The following CFAP53 variants were observed in gnomAD, a reference collection of about 807,000 sequenced individuals.
The protein encoded by CFAP53 is cilia- and flagella-associated protein 53.
CFAP53 carries 62 observed loss-of-function variants against 59.7 expected under a neutral mutation model. The observed-to-expected ratio is 1.04, with a 90% confidence interval of 0.85 to 1.28. CFAP53 has a LOEUF of 1.28. Ranked by LOEUF, CFAP53 falls within the 50% of genes most tolerant of loss-of-function variation. CFAP53 has a pLI of 0.00. For missense variants in CFAP53, 629 were observed against 615.6 expected, an observed-to-expected ratio of 1.02 and a Z score of -0.23; for synonymous variants, 218 against 205.7, an observed-to-expected ratio of 1.06 and a Z score of -0.51.
chr18:50,251,468 T>G lies in CFAP53; in HGVS notation c.777+13A>C. 1 of 1,607,284 alleles carries G rather than the reference T, an allele frequency of 6.2e-7. No individual in the cohort carries two copies. The highest frequency in any genetic ancestry group is 8.5e-7 in the Non-Finnish European group (1 of 1,177,738). On this transcript the variant is annotated intron_variant, in intron 4 of 7. Transcript: ENST00000398545. ...GCGTTGATCACCCTCTAACAAGCAT[T>G]TTAAAGGCCCACCACAAGGCGTGCC...
At position 50,266,365 on chromosome 18, in the gene CFAP53, T is replaced by C. The variant is rs1263706706; in HGVS notation, c.40A>G (p.Lys14Glu). Reference protein sequence around the residue: ...QRFGTVQREVKGPTPKVVIVR... With the variant: ...QRFGTVQREVEGPTPKVVIVR... ...ATCACCACTTTGGGGGTGGGGCCCTTAACCTCCCGCTGTACGGTGCCAAAC... is the reference window on the plus strand; with the variant it reads ...ATCACCACTTTGGGGGTGGGGCCCTCAACCTCCCGCTGTACGGTGCCAAAC... Residue 14 changes from lysine (K) to glutamate (E), a missense_variant, in exon 1 of 8, where the codon AAG becomes GAG. By Grantham distance (56) the Lys-to-Glu change is moderately conservative. Transcript: ENST00000398545. The C allele has an allele frequency of 1.9e-6, 3 of 1,614,126 alleles. No individual in the cohort carries two copies. The highest frequency in any genetic ancestry group is 2.5e-6 in the Non-Finnish European group (3 of 1,180,048).
chr18:50,241,677 T>G (rs4939624), intron 6 of CFAP53, among the ~76,000 whole-genome samples: 97,039 of 151,808 alleles, frequency 0.64, 31,877 homozygotes, highest in Admixed American at 0.73. Flanking sequence ...ACCAGCAAGT[T>G]TTTTTTTAGG....
intron 5 of CFAP53, among the ~76,000 whole-genome samples, chr18:50,245,973 G>A (rs541020593): frequency 1.6e-4 from 24 of 152,216 alleles, no homozygotes; most frequent in Admixed American, 1.2e-3. Flanking sequence ...TCACTGCAAC[G>A]TCCGCCTCCC....
At chr18:50,265,353 G>A (rs550186146) in intron 1 of CFAP53, among the ~76,000 whole-genome samples, 4 of 152,194 alleles carry the variant, frequency 2.6e-5, no homozygotes, top group Non-Finnish European at 4.4e-5. Flanking sequence ...TCGAGGTAAT[G>A]AAATATAAAT....
chr18:50,261,165 CT>C lies in CFAP53; in HGVS notation c.371del (p.Glu124GlyfsTer7). 1 of 1,592,714 alleles carries C rather than the reference CT, an allele frequency of 6.3e-7. No homozygotes were observed. Among genetic ancestry groups the C allele is most frequent in the Non-Finnish European group, 8.5e-7 (1 of 1,174,072 alleles). ...TCTCTCTCATCCTATCTTTTTTCTC[CT>C]CAATGGTTTCTTTCTTCAATTGCAT... ...TEMQLKKETIEEKKDRMREKT... is the reference protein window; with the variant it reads ...TEMQLKKETIXEKKDRMREKT... On this transcript the variant is annotated frameshift_variant, in exon 3 of 8. Coordinates refer to ENST00000398545, the MANE Select transcript of CFAP53 (RefSeq NM_145020.5). LOFTEE classifies it high-confidence loss of function.
chr18:50,253,669 CTTGG>C (rs2033821814), intron 3 of CFAP53, among the ~76,000 whole-genome samples: 1 of 151,944 alleles, frequency 6.6e-6, no homozygotes, highest in Non-Finnish European at 1.5e-5. Flanking sequence ...TTTTATTGTC[CTTGG>C]TTTACAGATG....
chr18:50,234,157 C>T (rs1229190974), intron 7 of CFAP53, among the ~76,000 whole-genome samples: 1 of 152,154 alleles, frequency 6.6e-6, no homozygotes, highest in Non-Finnish European at 1.5e-5. Flanking sequence ...TATATGACAA[C>T]AATGACAAGT....
At chr18:50,250,530 T>A (rs111650236) in intron 5 of CFAP53, among the ~76,000 whole-genome samples, 47 of 152,294 alleles carry the variant, frequency 3.1e-4, no homozygotes, top group African/African-American at 1.1e-3. Context: ...TGGGGGAGTG[T>A]GCTGAAACAC....
chr18:50,246,232 G>A (rs1449279579), intron 5 of CFAP53, among the ~76,000 whole-genome samples: 1 of 152,200 alleles, frequency 6.6e-6, no homozygotes, highest in Non-Finnish European at 1.5e-5. Flanking sequence ...CAAAGCTACG[G>A]TAATCAAGAC....
At chr18:50,242,663 C>A (rs1300538261) in intron 6 of CFAP53, among the ~76,000 whole-genome samples, 1 of 152,188 alleles carries the variant, frequency 6.6e-6, no homozygotes, top group East Asian at 1.9e-4. Context: ...ATACAGTATT[C>A]AAATGATGTA....
intron 1 of CFAP53, among the ~76,000 whole-genome samples, chr18:50,262,818 A>G (rs1268581183): frequency 6.6e-6 from 1 of 152,186 alleles, no homozygotes; most frequent in Non-Finnish European, 1.5e-5. Flanking sequence ...ACTAAGAAGG[A>G]AGAAATGAAG....
At chr18:50,248,165 C>T (rs1419884141) in intron 5 of CFAP53, among the ~76,000 whole-genome samples, 1 of 142,444 alleles carries the variant, frequency 7.0e-6, no homozygotes, top group Non-Finnish European at 1.5e-5. Context: ...GGGCAAAAGA[C>T]ATGAAGAGAC....
intron 3 of CFAP53, among the ~76,000 whole-genome samples, chr18:50,254,488 A>G (rs2033829726): frequency 6.6e-6 from 1 of 152,236 alleles, no homozygotes; most frequent in African/African-American, 2.4e-5. Context: ...CGCCACTACC[A>G]AAAGGACCAG....
Position 50,227,494 on chromosome 18 carries a change from C to T in CFAP53, c.1432G>A (p.Ala478Thr), listed in dbSNP as rs765855089. The T allele has an allele frequency of 1.2e-6, 2 of 1,614,194 alleles. No homozygotes were observed. Among genetic ancestry groups the T allele is most frequent in the South Asian group, 1.1e-5 (1 of 91,084 alleles). Reference sequence around the variant, plus strand: ...TTGTCCAAACACATCTTGTTTGCTGCTACACCTGCTTCAAACTCTCGGCGT... The same window carrying T: ...TTGTCCAAACACATCTTGTTTGCTGTTACACCTGCTTCAAACTCTCGGCGT... ...EKRREFEAGV[A>T]ANKMCLDKVQ... is the part of the protein sequence containing the mutation. Residue 478 changes from alanine to threonine, a missense_variant, in exon 8 of 8, where the codon GCA becomes ACA. Ala to Thr is a moderately conservative substitution (Grantham distance 58, BLOSUM62 0). Coordinates refer to ENST00000398545, the MANE Select transcript of CFAP53 (RefSeq NM_145020.5).
intron 3 of CFAP53, among the ~76,000 whole-genome samples, chr18:50,252,705 G>C (rs760844677): frequency 2.6e-5 from 4 of 151,890 alleles, no homozygotes; most frequent in Admixed American, 6.6e-5. Context: ...CACTACACCA[G>C]GCTGAGATGC....
chr18:50,266,352 G>A lies in CFAP53; in HGVS notation c.53C>T (p.Pro18Leu), dbSNP rs750494377. The A allele has an allele frequency of 1.8e-5, 29 of 1,614,140 alleles. No homozygotes were observed. Among genetic ancestry groups the A allele is most frequent in the Non-Finnish European group, 2.5e-5 (29 of 1,180,042 alleles). The change falls in exon 1 of 8, where the codon CCC becomes CTC. Residue 18 changes from proline (P) to leucine (L), a missense_variant. Coordinates refer to ENST00000398545, the MANE Select transcript of CFAP53 (RefSeq NM_145020.5). ...TVQREVKGPT[P>L]KVVIVRSKPP... Reference sequence around the variant, plus strand: ...TGTGCTTACCACGATCACCACTTTGGGGGTGGGGCCCTTAACCTCCCGCTG... The same window carrying A: ...TGTGCTTACCACGATCACCACTTTGAGGGTGGGGCCCTTAACCTCCCGCTG...
intron 3 of CFAP53, among the ~76,000 whole-genome samples, chr18:50,253,168 C>G (rs1469564641): frequency 3.9e-5 from 6 of 152,168 alleles, no homozygotes; most frequent in African/African-American, 1.4e-4. Flanking sequence ...AGGCGCCCAC[C>G]ACCACGCCTG....
intron 3 of CFAP53, among the ~76,000 whole-genome samples, chr18:50,255,774 C>T (rs569038968): frequency 1.1e-4 from 17 of 151,620 alleles, no homozygotes; most frequent in East Asian, 5.8e-4. Context: ...GTCTATTCAT[C>T]GTAGATTTAT....
At chr18:50,235,243 T>C (rs2033621906) in intron 7 of CFAP53, among the ~76,000 whole-genome samples, 1 of 152,202 alleles carries the variant, frequency 6.6e-6, no homozygotes, top group Non-Finnish European at 1.5e-5. Context: ...GGTTTGGCTA[T>C]GGGTTGCCCT....
Sources: gnomAD v4.1 joint callset for allele counts (sites outside exome capture counted in the v4.1 genomes callset) on GRCh38, gnomAD v4.1.1 for gene constraint, MANE v1.5 for transcripts, NCBI Gene and HGNC (gene_info 2026-07-23, HGNC 2026-07-21) for gene names.